The following WAPL variants were observed in gnomAD, a reference collection of about 807,000 sequenced individuals.
The protein encoded by WAPL is WAPL cohesin release factor.
Under a neutral mutation model 121.0 loss-of-function variants are expected in WAPL, and 5 were observed. The observed-to-expected ratio is 0.04, with a 90% CI of 0.02 to 0.09. WAPL has a LOEUF of 0.09. Among genes scored for constraint, WAPL ranks in the 10% least tolerant of loss-of-function variants. WAPL has a pLI of 1.00. For missense variants in WAPL, 999 were observed against 1,410.8 expected (o/e 0.71, Z 4.68); for synonymous variants, 480 against 481.5 (o/e 1.00, Z 0.04).
In WAPL at chr10:86,472,186, A is replaced by C; in HGVS notation, c.2030+22T>G. 1 of 1,534,332 alleles carries C rather than the reference A, an allele frequency of 6.5e-7. No individual in the cohort carries two copies. On this transcript the variant is annotated intron_variant, in intron 7 of 18. Coordinates refer to ENST00000298767, the MANE Select transcript of WAPL (RefSeq NM_015045.5). The surrounding 1 kb of genome is among the most constrained non-coding windows in gnomAD (Gnocchi z 4.2). ...TTAATACAGCATGCACATAATTGTA[A>C]AATATAAAAATAAGATCTTACCTAA... is the stretch of plus-strand genomic sequence containing the variant.
intron 10 of WAPL, among the ~76,000 whole-genome samples, chr10:86,460,901 C>T (rs1043639446): frequency 1.3e-5 from 2 of 152,002 alleles, no homozygotes; most frequent in East Asian, 1.9e-4. Context: ...TTAGTAGAGA[C>T]GGGGTTTCTC....
rs1842677014 is a variant in WAPL, at chr10:86,521,495, A to T, written c.-153T>A. 1 of 348,690 alleles carries T rather than the reference A, an allele frequency of 2.9e-6. No homozygotes were observed. The highest frequency in any genetic ancestry group is 5.7e-6 in the Non-Finnish European group (1 of 175,432). The allele number at this position is 348,690 out of a possible 1,614,324, so 21.6% of individuals were successfully genotyped here. ...AGGTGAGAGCCGAGAGAGGCGAGGGACTCTGCTTTCGGTAAATAGGAAGCC... is the reference window on the plus strand; with the variant it reads ...AGGTGAGAGCCGAGAGAGGCGAGGGTCTCTGCTTTCGGTAAATAGGAAGCC... On this transcript the variant is annotated 5_prime_UTR_variant, in exon 1 of 19. Transcript: ENST00000298767.
At chr10:86,501,697 AGACAGGATCTCACT>A (rs1222961093) in intron 2 of WAPL, among the ~76,000 whole-genome samples, 1 of 152,190 alleles carries the variant, frequency 6.6e-6, no homozygotes, top group Non-Finnish European at 1.5e-5. Flanking sequence ...CCTGCCCTCA[AGACAGGATCTCACT>A]GTCACCCACA....
At chr10:86,440,571 T>G (rs537003635) in intron 17 of WAPL, among the ~76,000 whole-genome samples, 4 of 152,278 alleles carry the variant, frequency 2.6e-5, no homozygotes, top group South Asian at 4.1e-4. Context: ...AGTGCTGGGA[T>G]TACAGGCGTG....
intron 14 of WAPL, among the ~76,000 whole-genome samples, chr10:86,452,621 A>G (rs1564564594): frequency 6.6e-6 from 1 of 152,092 alleles, no homozygotes; most frequent in Non-Finnish European, 1.5e-5. Context: ...AAGAACAAAA[A>G]AAACAAAACA....
intron 12 of WAPL, among the ~76,000 whole-genome samples, chr10:86,454,266 A>G (rs529666046): frequency 5.3e-5 from 8 of 152,360 alleles, no homozygotes; most frequent in Non-Finnish European, 1.0e-4. Flanking sequence ...CAACGTTGAC[A>G]GTATAAATCA....
intron 2 of WAPL, among the ~76,000 whole-genome samples, chr10:86,505,151 C>T (rs1357370483): frequency 6.7e-6 from 1 of 149,036 alleles, no homozygotes; most frequent in South Asian, 2.1e-4. Context: ...TTCCTAAAAG[C>T]TGTAGAGTTT....
intron 14 of WAPL, among the ~76,000 whole-genome samples, 193 bp from the exon 15 acceptor site, chr10:86,452,324 G>A (rs1046270316): frequency 5.9e-5 from 9 of 151,880 alleles, no homozygotes; most frequent in Non-Finnish European, 1.0e-4. Context: ...CAGGCACAGC[G>A]CTCATGCCTG....
intron 17 of WAPL, 131 bp downstream of exon 17, chr10:86,443,144 C>A: frequency 1.6e-6 from 1 of 613,990 alleles, no homozygotes; most frequent in South Asian, 3.2e-5. Flanking sequence ...CAGCCAATAG[C>A]CTTTGTGGAA....
intron 2 of WAPL, among the ~76,000 whole-genome samples, chr10:86,509,634 G>A (rs1842417121): frequency 6.6e-6 from 1 of 152,148 alleles, no homozygotes; most frequent in Admixed American, 6.5e-5. Context: ...AGGCATCCCC[G>A]TAGACCTTCC....
At chr10:86,441,383 GATGATCTA>G (rs1849466863) in intron 17 of WAPL, among the ~76,000 whole-genome samples, 1 of 152,058 alleles carries the variant, frequency 6.6e-6, no homozygotes, top group African/African-American at 2.4e-5. Flanking sequence ...AGTGAATCCT[GATGATCTA>G]ATCCACTCAC....
intron 2 of WAPL, among the ~76,000 whole-genome samples, chr10:86,511,938 T>C (rs1589541699): frequency 6.6e-6 from 1 of 151,846 alleles, no homozygotes; most frequent in East Asian, 1.9e-4. Flanking sequence ...AAAATAAAAA[T>C]AAAAAAAGAA....
At chr10:86,460,595 G>T in intron 10 of WAPL, 99 bp from the exon 11 acceptor site, 1 of 822,144 alleles carries the variant, frequency 1.2e-6, no homozygotes, top group Non-Finnish European at 1.9e-6. Flanking sequence ...CACACGCTAT[G>T]AACATGCTGG....
At chr10:86,493,157 G>GA (rs1277302087) in intron 4 of WAPL, among the ~76,000 whole-genome samples, 3 of 151,548 alleles carry the variant, frequency 2.0e-5, no homozygotes, top group East Asian at 1.9e-4. Context: ...TATGGTTTGG[G>GA]AAAAAAAATA....
At chr10:86,470,540 G>A (rs1841513743) in intron 8 of WAPL, among the ~76,000 whole-genome samples, 1 of 152,176 alleles carries the variant, frequency 6.6e-6, no homozygotes, top group African/African-American at 2.4e-5. Flanking sequence ...CAAGGAAAAT[G>A]AAGAAATTAT....
At position 86,500,693 on chromosome 10, in the gene WAPL, G is replaced by A. The variant is rs770171963; in HGVS notation, c.550C>T (p.His184Tyr). ...EEHEKNSHHI[H>Y]KNADDSTKKP... is the part of the protein sequence containing the mutation. ...TTAGTACTGTCATCAGCATTTTTGT[G>A]AATATGGTGACTATTCTTTTCATGT... The change falls in exon 3 of 19, where the codon CAC (histidine) becomes TAC (tyrosine). Residue 184 changes from histidine (H) to tyrosine (Y), a missense_variant. Transcript: ENST00000298767. 1.3e-6 allele frequency: 2 copies of A among 1,595,634 alleles called. No homozygotes were observed. Among genetic ancestry groups the A allele is most frequent in the Middle Eastern group, 1.7e-4 (1 of 5,976 alleles).
intron 12 of WAPL, among the ~76,000 whole-genome samples, chr10:86,457,590 T>C (rs1841181369): frequency 6.6e-6 from 1 of 151,590 alleles, no homozygotes; most frequent in Non-Finnish European, 1.5e-5. Context: ...AAGGCAGAGG[T>C]TGCAGTGAGC....
At chr10:86,509,904 A>C (rs1163783845) in intron 2 of WAPL, among the ~76,000 whole-genome samples, 1 of 151,036 alleles carries the variant, frequency 6.6e-6, no homozygotes, top group Non-Finnish European at 1.5e-5. Flanking sequence ...AGCTGGGACT[A>C]CAGGCACCCG....
Position 86,453,260 on chromosome 10 carries a change from T to G in WAPL, c.2909A>C (p.Lys970Thr). ...AAATCTCTGCTCCTGAGGTAGGTAC[T>G]TTGGAACCTGAAGCACACAGTTCAG... is the stretch of plus-strand genomic sequence containing the variant. ...TALNCVLQVP[K>T]YLPQEQRFDI... Residue 970 changes from lysine (K) to threonine (T), a missense_variant, in exon 14 of 19, where the codon AAG (lysine) becomes ACG (threonine). Lys to Thr is a moderately conservative substitution (Grantham distance 78). Coordinates refer to ENST00000298767, the MANE Select transcript of WAPL (RefSeq NM_015045.5). 1 of 1,614,180 alleles carries G rather than the reference T, an allele frequency of 6.2e-7. No homozygotes were observed. The highest frequency in any genetic ancestry group is 8.5e-7 in the Non-Finnish European group (1 of 1,180,026).
Sources: allele counts gnomAD v4.1 joint callset (sites outside exome capture counted in the v4.1 genomes callset), GRCh38; gene constraint gnomAD v4.1.1; non-coding constraint Gnocchi (gnomAD v3.1); transcripts MANE v1.5; gene names NCBI Gene and HGNC (gene_info 2026-07-23, HGNC 2026-07-21).